RNF150: variants seen among roughly 807,000 people sequenced by gnomAD.
RNF150 encodes ring finger protein 150.
In RNF150, 24 loss-of-function variants were observed where a neutral mutation model predicts 39.3. That is an observed-to-expected ratio of 0.61 (90% CI 0.44 to 0.86). The LOEUF (loss-of-function observed/expected upper bound fraction) is 0.86. Among genes scored for constraint, RNF150 ranks in the 40% least tolerant of loss-of-function variants. The probability of loss-of-function intolerance (pLI) is 0.00; values close to 1 mark genes in which losing one functional copy is unlikely to be tolerated. For missense variants in RNF150, 502 were observed against 587.8 expected, an observed-to-expected ratio of 0.85 and a Z score of 1.51; for synonymous variants, 255 against 227.3, an observed-to-expected ratio of 1.12 and a Z score of -1.10.
chr4:141,154,735 A>G (rs1446001599), intron 1 of RNF150, among the ~76,000 whole-genome samples: 1 of 152,230 alleles, frequency 6.6e-6, no homozygotes, highest in African/African-American at 2.4e-5. Flanking sequence ...TCGTATCATG[A>G]GAAGGTAAGC....
intron 1 of RNF150, among the ~76,000 whole-genome samples, chr4:141,115,261 A>T (rs1252991134): frequency 6.6e-6 from 1 of 152,192 alleles, no homozygotes; most frequent in African/African-American, 2.4e-5. Flanking sequence ...TCAGCCCAAA[A>T]TCTCCTTAAG....
intron 1 of RNF150, among the ~76,000 whole-genome samples, chr4:141,061,208 A>G (rs1367501918): frequency 6.6e-6 from 1 of 152,194 alleles, no homozygotes; most frequent in African/African-American, 2.4e-5. Flanking sequence ...CATCTCTGAT[A>G]TCCTGGTACT....
intron 1 of RNF150, among the ~76,000 whole-genome samples, chr4:141,205,464 T>C (rs962226224): frequency 1.3e-5 from 2 of 152,036 alleles, no homozygotes; most frequent in African/African-American, 4.8e-5. Context: ...AGAGGAAAAA[T>C]GGTTTTTATT....
chr4:140,912,860 C>A (rs1334391549), intron 5 of RNF150, among the ~76,000 whole-genome samples: 2 of 151,492 alleles, frequency 1.3e-5, no homozygotes, highest in Non-Finnish European at 2.9e-5. Flanking sequence ...TGGACACGAG[C>A]AAGTGGGTTT....
At chr4:141,126,827 T>C (rs1270395246) in intron 1 of RNF150, among the ~76,000 whole-genome samples, 1 of 152,126 alleles carries the variant, frequency 6.6e-6, no homozygotes, top group Non-Finnish European at 1.5e-5. Context: ...TTGTACTTTA[T>C]AAATAAGAAA....
chr4:141,155,694 T>C (rs61333292), intron 1 of RNF150, among the ~76,000 whole-genome samples: 6,139 of 152,186 alleles, frequency 0.04, 399 homozygotes, highest in African/African-American at 0.13. Flanking sequence ...TGGCTGTATA[T>C]GTCAAAAGGT....
intron 1 of RNF150, among the ~76,000 whole-genome samples, chr4:141,203,415 A>G (rs1161195936): frequency 2.6e-5 from 4 of 151,362 alleles, no homozygotes; most frequent in Non-Finnish European, 4.4e-5. Context: ...ATATATATAT[A>G]TGTGCCATAT....
chr4:141,032,630 G>A (rs1735992078), intron 1 of RNF150, among the ~76,000 whole-genome samples: 1 of 151,338 alleles, frequency 6.6e-6, no homozygotes, highest in Non-Finnish European at 1.5e-5. Flanking sequence ...GAATCTTCTG[G>A]ACCCCCAAGA....
At chr4:140,957,722 A>G (rs971154389) in intron 2 of RNF150, among the ~76,000 whole-genome samples, 1 of 152,098 alleles carries the variant, frequency 6.6e-6, no homozygotes, top group Non-Finnish European at 1.5e-5. Context: ...ATGCAGCCAT[A>G]AAAAATGATG....
chr4:141,075,155 G>C (rs903881231), intron 1 of RNF150, among the ~76,000 whole-genome samples: 3 of 152,204 alleles, frequency 2.0e-5, no homozygotes, highest in African/African-American at 7.2e-5. Context: ...GGGAGGAATG[G>C]GCAAGTGTTT....
At chr4:141,050,059 A>C (rs1241622852) in intron 1 of RNF150, among the ~76,000 whole-genome samples, 1 of 152,102 alleles carries the variant, frequency 6.6e-6, no homozygotes, top group East Asian at 1.9e-4. Flanking sequence ...ATAACAAAAT[A>C]TGAAATATTT....
chr4:140,876,257 A>C (rs1489090270), intron 6 of RNF150, among the ~76,000 whole-genome samples: 1 of 152,168 alleles, frequency 6.6e-6, no homozygotes, highest in Non-Finnish European at 1.5e-5. Context: ...ACTTTCAACC[A>C]CATTGGTTGA....
At chr4:141,166,485 A>G (rs1727607078) in intron 1 of RNF150, among the ~76,000 whole-genome samples, 1 of 152,214 alleles carries the variant, frequency 6.6e-6, no homozygotes, top group Non-Finnish European at 1.5e-5. Flanking sequence ...CAGAGACACA[A>G]CAGAAAAAGA....
At chr4:140,943,695 C>T (rs758325790) in intron 4 of RNF150, among the ~76,000 whole-genome samples, 1 of 152,162 alleles carries the variant, frequency 6.6e-6, no homozygotes. Context: ...GTCTTCTCAT[C>T]GCTGGGACTT....
chr4:140,906,940 A>T (rs1730400945), intron 6 of RNF150, among the ~76,000 whole-genome samples: 15 of 152,138 alleles, frequency 9.9e-5, no homozygotes, highest in Admixed American at 9.8e-4. Flanking sequence ...AATCTCCTTG[A>T]AAAATCACAG....
chr4:141,200,578 C>T (rs1001467856), intron 1 of RNF150, among the ~76,000 whole-genome samples: 2 of 152,182 alleles, frequency 1.3e-5, no homozygotes, highest in Admixed American at 6.5e-5. Flanking sequence ...ATTCCATCCT[C>T]ATGACCTAAT....
intron 6 of RNF150, among the ~76,000 whole-genome samples, chr4:140,889,034 A>G (rs1440419778): frequency 6.6e-6 from 1 of 151,918 alleles, no homozygotes; most frequent in Non-Finnish European, 1.5e-5. Context: ...TAACTCTTTA[A>G]ACAGTTTGTT....
chr4:141,145,921 T>C lies in RNF150; in HGVS notation c.-6+66873A>G, dbSNP rs111606417. 3.3e-3 allele frequency among the ~76,000 whole-genome samples: 497 copies of C among 152,318 alleles called. 4 individuals carry two copies. The highest frequency in any genetic ancestry group is 0.011 in the African/African-American group (463 of 41,576). ...GGGTATCATTGTGTCAGGACAGATATAGCATCAAACACGGCTGCCTCAGTG... is the reference window on the plus strand; with the variant it reads ...GGGTATCATTGTGTCAGGACAGATACAGCATCAAACACGGCTGCCTCAGTG... On this transcript the variant is annotated intron_variant, in intron 1 of 7. Transcript: ENST00000420921.
At chr4:141,191,165 G>A (rs552464539) in intron 1 of RNF150, among the ~76,000 whole-genome samples, 3 of 152,314 alleles carry the variant, frequency 2.0e-5, no homozygotes, top group African/African-American at 7.2e-5. Context: ...GTTACTTTCT[G>A]GATGGTGACC....
Sources: allele counts gnomAD v4.1 joint callset (sites outside exome capture counted in the v4.1 genomes callset), GRCh38; gene constraint gnomAD v4.1.1; transcripts MANE v1.5; gene names NCBI Gene and HGNC (gene_info 2026-07-23, HGNC 2026-07-21).